NTM: variants seen among roughly 807,000 people sequenced by gnomAD.
NTM encodes IgLON family member 2.
Under a neutral mutation model 42.1 loss-of-function variants are expected in NTM, and 13 were observed. The observed-to-expected ratio is 0.31, with a 90% confidence interval of 0.20 to 0.49. The LOEUF is 0.49. NTM is among the 20% of genes least tolerant of loss of function. The pLI is 0.99. For synonymous variants in NTM, 187 were observed against 179.2 expected (o/e 1.04, Z -0.35); for missense variants, 373 against 452.8 (o/e 0.82, Z 1.60).
intron 1 of NTM, among the ~76,000 whole-genome samples, chr11:131,424,726 ATTTTTTT>A (rs71475756): frequency 1.6e-5 from 2 of 122,206 alleles, no homozygotes; most frequent in Non-Finnish European, 1.7e-5. Context: ...TGCCTGGCTA[ATTTTTTT>A]TTTTTTTTTG....
At chr11:131,508,474 TG>T (rs1208477846) in intron 1 of NTM, among the ~76,000 whole-genome samples, 1 of 142,842 alleles carries the variant, frequency 7.0e-6, no homozygotes, top group African/African-American at 2.7e-5. Context: ...GAAGTCAGTG[TG>T]GCGATTCCTC....
At chr11:131,421,471 T>G (rs1947516070) in intron 1 of NTM, among the ~76,000 whole-genome samples, 1 of 152,164 alleles carries the variant, frequency 6.6e-6, no homozygotes, top group Admixed American at 6.5e-5. Flanking sequence ...CATAGACTCT[T>G]TTTTTGATAC....
At chr11:131,390,156 T>C (rs1282068185) in intron 1 of NTM, among the ~76,000 whole-genome samples, 1 of 152,176 alleles carries the variant, frequency 6.6e-6, no homozygotes, top group East Asian at 1.9e-4. Context: ...AAGCTTTTAG[T>C]CATGGCCAAA....
At chr11:132,217,184 C>T (rs957724791) in intron 4 of NTM, among the ~76,000 whole-genome samples, 10 of 152,118 alleles carry the variant, frequency 6.6e-5, no homozygotes, top group African/African-American at 2.4e-4. Flanking sequence ...ACCACTATTT[C>T]CTAAGGCAAT....
At chr11:132,157,462 T>C (rs1370265212) in intron 3 of NTM, among the ~76,000 whole-genome samples, 1 of 152,146 alleles carries the variant, frequency 6.6e-6, no homozygotes, top group Non-Finnish European at 1.5e-5. Flanking sequence ...ATGATACTTT[T>C]TGATGTTGAA....
At chr11:131,457,359 G>A (rs1227083891) in intron 1 of NTM, among the ~76,000 whole-genome samples, 1 of 152,048 alleles carries the variant, frequency 6.6e-6, no homozygotes, top group East Asian at 1.9e-4. Context: ...CAGTAGAGAG[G>A]TGAGCACAAG....
chr11:132,325,300 C>T (rs976433263), intron 7 of NTM, among the ~76,000 whole-genome samples: 1 of 150,458 alleles, frequency 6.6e-6, no homozygotes, highest in Non-Finnish European at 1.5e-5. Context: ...CCAGAATCTA[C>T]AATGAACTCA....
intron 1 of NTM, among the ~76,000 whole-genome samples, chr11:131,707,058 A>G: frequency 1.3e-5 from 2 of 152,162 alleles, no homozygotes; most frequent in East Asian, 1.9e-4. Context: ...TCACCATGCT[A>G]TGTAATAGAT....
chr11:131,616,121 TTCATCAAGAGGTAGCAAA>T (rs2137590758), intron 1 of NTM, among the ~76,000 whole-genome samples: 1 of 152,308 alleles, frequency 6.6e-6, no homozygotes, highest in African/African-American at 2.4e-5. Flanking sequence ...CATGGACTCT[TTCATCAAGAGGTAGCAAA>T]TCATCTACAA....
chr11:132,292,331 A>T (rs757812982), intron 4 of NTM, among the ~76,000 whole-genome samples: 1 of 152,196 alleles, frequency 6.6e-6, no homozygotes, highest in Non-Finnish European at 1.5e-5. Context: ...TGAGATGGCA[A>T]GCACAAATGT....
chr11:131,593,212 T>A (rs1436285214), intron 1 of NTM, among the ~76,000 whole-genome samples: 1 of 152,180 alleles, frequency 6.6e-6, no homozygotes, highest in African/African-American at 2.4e-5. Context: ...ACACCTCTCC[T>A]TCCCCAGTGC....
chr11:132,238,078 A>G (rs2089423792), intron 4 of NTM, among the ~76,000 whole-genome samples: 1 of 152,214 alleles, frequency 6.6e-6, no homozygotes, highest in African/African-American at 2.4e-5. Flanking sequence ...TTAATGAGGT[A>G]AACTACATTA....
chr11:132,080,344 C>T (rs1413984764), intron 2 of NTM, among the ~76,000 whole-genome samples: 1 of 152,204 alleles, frequency 6.6e-6, no homozygotes, highest in African/African-American at 2.4e-5. Flanking sequence ...GCCCACTCAG[C>T]TGGGCTGCTT....
At chr11:132,100,240 A>G (rs7118087) in intron 2 of NTM, among the ~76,000 whole-genome samples, 107,063 of 152,146 alleles carry the variant, frequency 0.7, 38,377 homozygotes, top group African/African-American at 0.77. Context: ...CGTGGGAGCA[A>G]TCTTGGGATC....
intron 1 of NTM, among the ~76,000 whole-genome samples, chr11:131,655,774 C>A (rs568644342): frequency 6.6e-6 from 1 of 152,342 alleles, no homozygotes; most frequent in South Asian, 2.1e-4. Flanking sequence ...CATCTCCTAC[C>A]CAGCCAAGCT....
intron 2 of NTM, among the ~76,000 whole-genome samples, chr11:132,090,049 A>C (rs1367010267): frequency 6.6e-6 from 1 of 152,148 alleles, no homozygotes; most frequent in Admixed American, 6.5e-5. Flanking sequence ...TCATCCTCAC[A>C]ATATCCTTGG....
intron 4 of NTM, among the ~76,000 whole-genome samples, chr11:132,222,606 G>T (rs2085392327): frequency 6.6e-6 from 1 of 152,062 alleles, no homozygotes; most frequent in African/African-American, 2.4e-5. Context: ...GCCCCAGTCT[G>T]CCACCTGGCT....
intron 2 of NTM, among the ~76,000 whole-genome samples, chr11:131,976,466 G>C (rs192879014): frequency 9.5e-4 from 145 of 152,178 alleles, no homozygotes; most frequent in African/African-American, 3.5e-3. Context: ...ATCATAAGGA[G>C]TTGTTGAATA....
chr11:131,565,987 G>A (rs897321499), intron 1 of NTM, among the ~76,000 whole-genome samples: 2 of 152,168 alleles, frequency 1.3e-5, no homozygotes, highest in African/African-American at 4.8e-5. Flanking sequence ...AGAAAAGGAT[G>A]GGTAACCTGT....
Sources: allele counts gnomAD v4.1 joint callset (sites outside exome capture counted in the v4.1 genomes callset), GRCh38; gene constraint gnomAD v4.1.1; transcripts MANE v1.5; gene names NCBI Gene and HGNC (gene_info 2026-07-23, HGNC 2026-07-21).